The following GRAMD1C variants were observed in gnomAD, a reference collection of about 807,000 sequenced individuals.
The protein encoded by GRAMD1C is GRAM domain containing 1C.
In GRAMD1C, 89 loss-of-function variants were observed where a neutral mutation model predicts 97.8. The observed-to-expected ratio is 0.91, with a 90% CI of 0.77 to 1.09. The LOEUF (loss-of-function observed/expected upper bound fraction) is 1.09. Among genes scored for constraint, GRAMD1C ranks in the 50% least tolerant of loss-of-function variants. The pLI is 0.00. For synonymous variants in GRAMD1C, 256 were observed against 267.0 expected (o/e 0.96, Z 0.40); for missense variants, 740 against 766.4 (o/e 0.97, Z 0.41).
chr3:113,875,880 TTTTG>T (rs1456728034), intron 4 of GRAMD1C: 1 of 410,696 alleles, frequency 2.4e-6, no homozygotes, highest in Admixed American at 4.1e-5. Flanking sequence ...ACTGTCTGAT[TTTTG>T]TTTGTGTGTT....
intron 6 of GRAMD1C, among the ~76,000 whole-genome samples, chr3:113,884,819 A>G (rs1264512478): frequency 6.6e-6 from 1 of 151,444 alleles, no homozygotes; most frequent in Non-Finnish European, 1.5e-5. Context: ...AGCCTGGGCG[A>G]CAGTGAGACT....
chr3:113,896,995 G>T (rs1404708801), intron 6 of GRAMD1C, among the ~76,000 whole-genome samples: 1 of 152,158 alleles, frequency 6.6e-6, no homozygotes, highest in Non-Finnish European at 1.5e-5. Context: ...TCAAAGAAAA[G>T]AATTATTGAG....
intron 2 of GRAMD1C, among the ~76,000 whole-genome samples, chr3:113,858,093 C>T (rs556269084): frequency 5.7e-4 from 86 of 152,174 alleles, no homozygotes; most frequent in African/African-American, 1.9e-3. Context: ...TTGTAGAATT[C>T]TCCAGTAAAA....
At chr3:113,870,817 G>T (rs1054080800) in intron 3 of GRAMD1C, among the ~76,000 whole-genome samples, 2 of 150,184 alleles carry the variant, frequency 1.3e-5, no homozygotes, top group Non-Finnish European at 3.0e-5. Context: ...TGATTTATAA[G>T]AATTTTTTTT....
intron 5 of GRAMD1C, among the ~76,000 whole-genome samples, chr3:113,877,801 G>A (rs544112845): frequency 7.3e-5 from 11 of 151,212 alleles, no homozygotes; most frequent in African/African-American, 1.2e-4. Flanking sequence ...TTTTAGAGAC[G>A]GAGTTTTGTT....
At chr3:113,891,097 C>G (rs1015487383) in intron 6 of GRAMD1C, 1 of 218,734 alleles carries the variant, frequency 4.6e-6, no homozygotes, top group African/African-American at 2.3e-5. Flanking sequence ...GTTGAATATG[C>G]AACTCTGTTT....
intron 1 of GRAMD1C, among the ~76,000 whole-genome samples, chr3:113,832,985 G>A (rs902610891): frequency 6.6e-6 from 1 of 152,092 alleles, no homozygotes; most frequent in African/African-American, 2.4e-5. Flanking sequence ...GGATTCCCAG[G>A]AATTTGTGAG....
chr3:113,931,362 AT>A (rs11294764), intron 11 of GRAMD1C, among the ~76,000 whole-genome samples: 28,968 of 142,874 alleles, frequency 0.2, 2,698 homozygotes, highest in South Asian at 0.27. Context: ...ATATATTCAA[AT>A]TTTTTTTTTT....
intron 1 of GRAMD1C, among the ~76,000 whole-genome samples, chr3:113,831,987 A>C (rs1709563079): frequency 6.6e-6 from 1 of 151,970 alleles, no homozygotes; most frequent in Non-Finnish European, 1.5e-5. Context: ...TGTGTACCTT[A>C]TAATTTTTTG....
At chr3:113,889,858 G>A (rs113061116) in intron 6 of GRAMD1C, among the ~76,000 whole-genome samples, 4,075 of 152,062 alleles carry the variant, frequency 0.027, 81 homozygotes, top group African/African-American at 0.033. Flanking sequence ...GGCTGGTCTC[G>A]AACTCCCGAC....
At chr3:113,913,429 C>CAA (rs765510213) in intron 9 of GRAMD1C, among the ~76,000 whole-genome samples, 1,052 of 66,970 alleles carry the variant, frequency 0.016, 2 homozygotes, top group East Asian at 0.026. Context: ...ACTCTGTCTC[C>CAA]AAAAAAAAAA....
At chr3:113,876,939 T>C (rs1444340152) in intron 5 of GRAMD1C, among the ~76,000 whole-genome samples, 1 of 151,980 alleles carries the variant, frequency 6.6e-6, no homozygotes, top group East Asian at 1.9e-4. Context: ...GAGAGAGAAT[T>C]AGTACCATGA....
chr3:113,920,065 C>T, intron 10 of GRAMD1C: 2 of 1,065,426 alleles, frequency 1.9e-6, no homozygotes, highest in Non-Finnish European at 2.8e-6. Context: ...ATGAGGAAGA[C>T]TGAAGGTACT....
chr3:113,892,997 T>C (rs1202008626), intron 6 of GRAMD1C, among the ~76,000 whole-genome samples: 1 of 152,198 alleles, frequency 6.6e-6, no homozygotes, highest in East Asian at 1.9e-4. Flanking sequence ...GTGGCAATTA[T>C]ATGAAATTCA....
intron 6 of GRAMD1C, among the ~76,000 whole-genome samples, chr3:113,894,904 T>A (rs1473938149): frequency 6.6e-6 from 1 of 152,174 alleles, no homozygotes; most frequent in Non-Finnish European, 1.5e-5. Flanking sequence ...ATTTTGGGAA[T>A]CACTAAGTAG....
chr3:113,887,079 C>CTTTTTGTTT (rs1935521977), intron 6 of GRAMD1C, among the ~76,000 whole-genome samples: 1 of 97,504 alleles, frequency 1.0e-5, no homozygotes, highest in African/African-American at 4.2e-5. Flanking sequence ...TGCGCCTGGC[C>CTTTTTGTTT]TTTTTGTTTT....
chr3:113,912,623 C>T (rs547726414), intron 9 of GRAMD1C, among the ~76,000 whole-genome samples: 40 of 151,958 alleles, frequency 2.6e-4, no homozygotes, highest in African/African-American at 8.2e-4. Context: ...GTCCTAGCTA[C>T]GCAGGAGGCT....
chr3:113,837,428 G>C (rs1157779791), upstream of GRAMD1C, among the ~76,000 whole-genome samples: 1 of 152,108 alleles, frequency 6.6e-6, no homozygotes, highest in South Asian at 2.1e-4. Flanking sequence ...AAGGTGGTTG[G>C]GGTACAGCTT....
chr3:113,888,326 TG>T (rs1300914317), intron 6 of GRAMD1C, among the ~76,000 whole-genome samples: 1 of 152,204 alleles, frequency 6.6e-6, no homozygotes, highest in Non-Finnish European at 1.5e-5. Flanking sequence ...AAGTGGTAGT[TG>T]CCAGGGGTAG....
Sources: allele counts gnomAD v4.1 joint callset (sites outside exome capture counted in the v4.1 genomes callset), GRCh38; gene constraint gnomAD v4.1.1; transcripts MANE v1.5; gene names NCBI Gene and HGNC (gene_info 2026-07-23, HGNC 2026-07-21).